Variants in LPAR1 observed in about 807,000 individuals in gnomAD.
LPAR1 encodes lysophosphatidic acid receptor 1, also known as LPA receptor 1.
LPAR1 carries 5 observed loss-of-function variants against 23.8 expected under a neutral mutation model. The observed-to-expected ratio is 0.21, with a 90% confidence interval of 0.11 to 0.44. The LOEUF is 0.44. Ranked by LOEUF, LPAR1 falls within the 20% of genes least tolerant of loss-of-function variation. The probability of loss-of-function intolerance (pLI) is 0.99; values close to 1 mark genes in which losing one functional copy is unlikely to be tolerated. For synonymous variants in LPAR1, 160 were observed against 164.7 expected (o/e 0.97, Z 0.22); for missense variants, 311 against 482.8 (o/e 0.64, Z 3.33).
chr9:110,899,587 G>T (rs2087886034), intron 5 of LPAR1, among the ~76,000 whole-genome samples: 1 of 152,156 alleles, frequency 6.6e-6, no homozygotes, highest in Non-Finnish European at 1.5e-5. Flanking sequence ...GCAAGAGAAA[G>T]TCACCTAGAC....
intron 5 of LPAR1, among the ~76,000 whole-genome samples, chr9:110,881,698 G>A (rs770150896): frequency 6.6e-6 from 1 of 152,198 alleles, no homozygotes; most frequent in Non-Finnish European, 1.5e-5. Flanking sequence ...AGCCAAGTGA[G>A]CAATACCTTT....
At chr9:110,974,565 C>T (rs2096509106) in intron 2 of LPAR1, among the ~76,000 whole-genome samples, 3 of 152,176 alleles carry the variant, frequency 2.0e-5, no homozygotes, top group Non-Finnish European at 2.9e-5. Context: ...TAGGTTCTGG[C>T]TGCTTAGAAC....
At chr9:110,884,160 G>A (rs563423185) in intron 5 of LPAR1, among the ~76,000 whole-genome samples, 103 of 152,166 alleles carry the variant, frequency 6.8e-4, no homozygotes, top group African/African-American at 2.4e-3. Flanking sequence ...TGCACTGCAT[G>A]TCTGCTTTCT....
At chr9:110,963,127 C>G (rs2096065410) in intron 4 of LPAR1, among the ~76,000 whole-genome samples, 1 of 152,080 alleles carries the variant, frequency 6.6e-6, no homozygotes, top group Non-Finnish European at 1.5e-5. Flanking sequence ...AAGACTAAAC[C>G]AATTAAAAAG....
At chr9:111,026,382 C>A (rs1588927888) in intron 2 of LPAR1, among the ~76,000 whole-genome samples, 1 of 152,286 alleles carries the variant, frequency 6.6e-6, no homozygotes, top group East Asian at 1.9e-4. Context: ...GATTTTGTAT[C>A]CTGAGGCTTT....
chr9:111,019,802 G>A (rs577489765), intron 2 of LPAR1, among the ~76,000 whole-genome samples: 3 of 152,156 alleles, frequency 2.0e-5, no homozygotes, highest in South Asian at 2.1e-4. Context: ...CCAAGATCAC[G>A]CCACAGCACA....
chr9:110,958,708 G>A (rs2095844117), intron 4 of LPAR1, among the ~76,000 whole-genome samples: 2 of 152,022 alleles, frequency 1.3e-5, no homozygotes, highest in South Asian at 2.1e-4. Context: ...ACAAAAACAG[G>A]CAAAAGGGAC....
chr9:110,944,828 T>C (rs1404228663), intron 4 of LPAR1, among the ~76,000 whole-genome samples: 1 of 152,196 alleles, frequency 6.6e-6, no homozygotes, highest in African/African-American at 2.4e-5. Flanking sequence ...ATGATAAAAC[T>C]TAAATGATTT....
intron 2 of LPAR1, among the ~76,000 whole-genome samples, chr9:110,991,704 G>C (rs377706587): frequency 6.6e-6 from 1 of 152,140 alleles, no homozygotes; most frequent in South Asian, 2.1e-4. Context: ...CGCCTCCCAG[G>C]TTCGAGCAAT....
chr9:111,034,264 T>C (rs1328937950), intron 2 of LPAR1, among the ~76,000 whole-genome samples: 3 of 152,196 alleles, frequency 2.0e-5, no homozygotes. Context: ...ATAATAATTC[T>C]TTTTCTTCTG....
At chr9:110,905,296 C>T (rs913753714) in intron 5 of LPAR1, among the ~76,000 whole-genome samples, 1 of 142,366 alleles carries the variant, frequency 7.0e-6, no homozygotes, top group Non-Finnish European at 1.6e-5. Flanking sequence ...TGGTTGGGTA[C>T]ACTGGACAAT....
At chr9:110,964,575 G>C (rs752164339) in intron 4 of LPAR1, among the ~76,000 whole-genome samples, 4 of 151,990 alleles carry the variant, frequency 2.6e-5, no homozygotes, top group Non-Finnish European at 5.9e-5. Flanking sequence ...CTGAATCTAG[G>C]TGTTGGCTAT....
chr9:110,978,382 GC>G (rs1183440884), intron 2 of LPAR1, among the ~76,000 whole-genome samples: 3 of 152,162 alleles, frequency 2.0e-5, no homozygotes, highest in Admixed American at 1.3e-4. Flanking sequence ...AGATTTTAAA[GC>G]CTTCGTCTCC....
At chr9:110,910,204 A>T (rs1171184776) in intron 5 of LPAR1, among the ~76,000 whole-genome samples, 2 of 152,102 alleles carry the variant, frequency 1.3e-5, no homozygotes, top group African/African-American at 2.4e-5. Flanking sequence ...TAGGGGATAA[A>T]GCGGCTGGTG....
At chr9:111,025,269 G>C (rs886118268) in intron 2 of LPAR1, among the ~76,000 whole-genome samples, 1 of 152,188 alleles carries the variant, frequency 6.6e-6, no homozygotes, top group African/African-American at 2.4e-5. Context: ...GTAGCTCATT[G>C]TGGTTTGATT....
chr9:110,879,204 G>A (rs1188119667), intron 5 of LPAR1, among the ~76,000 whole-genome samples: 1 of 151,986 alleles, frequency 6.6e-6, no homozygotes, highest in South Asian at 2.1e-4. Context: ...ATCACCTGAG[G>A]TCAGGAGTTT....
chr9:110,999,851 C>T (rs2097096212), intron 2 of LPAR1, among the ~76,000 whole-genome samples: 1 of 152,088 alleles, frequency 6.6e-6, no homozygotes, highest in Non-Finnish European at 1.5e-5. Context: ...ACTACACGCA[C>T]ACGCCACCAC....
chr9:110,877,125 A>G (rs563071537), intron 5 of LPAR1, among the ~76,000 whole-genome samples: 1 of 152,350 alleles, frequency 6.6e-6, no homozygotes, highest in South Asian at 2.1e-4. Context: ...GACTGGGGTC[A>G]TGGATTTGGT....
intron 2 of LPAR1, among the ~76,000 whole-genome samples, chr9:111,013,304 A>G (rs1452439449): frequency 2.6e-5 from 4 of 152,190 alleles, no homozygotes; most frequent in Admixed American, 1.3e-4. Context: ...TCCAGGACCA[A>G]CCAATCCACA....
Sources: gnomAD v4.1 joint callset for allele counts (sites outside exome capture counted in the v4.1 genomes callset) on GRCh38, gnomAD v4.1.1 for gene constraint, MANE v1.5 for transcripts, NCBI Gene and HGNC (gene_info 2026-07-23, HGNC 2026-07-21) for gene names.